Variants in TECPR1 observed in about 807,000 individuals in gnomAD.
TECPR1 encodes tectonin beta-propeller repeat containing 1, also known as tectonin beta-propeller repeat-containing protein 1.
In TECPR1, 122 loss-of-function variants were observed where a neutral mutation model predicts 162.4. That is an observed-to-expected ratio of 0.75 (90% CI 0.65 to 0.87). The LOEUF (loss-of-function observed/expected upper bound fraction) is 0.87, where lower values mean the gene tolerates loss of function less well. Ranked by LOEUF, TECPR1 falls within the 40% of genes least tolerant of loss-of-function variation. TECPR1 has a pLI of 0.00. For synonymous variants in TECPR1, 642 were observed against 670.6 expected (o/e 0.96, Z 0.66); for missense variants, 1,432 against 1,618.2 (o/e 0.88, Z 1.97).
chr7:98,246,108 C>T lies in TECPR1; in HGVS notation c.39G>A (p.Gly13=), dbSNP rs747031639. 19 of 1,554,602 alleles carry T rather than the reference C, an allele frequency of 1.2e-5. No homozygotes were observed. The African/African-American group carries it at 1.9e-4, about 16-fold the overall frequency. The change falls in exon 3 of 26, where the codon GGG becomes GGA. Residue 13 remains glycine, a synonymous_variant. Transcript: ENST00000447648. ...CTGCTGTGGACAGCGTGTACACTCT[C>T]CCGAAGAGGTCCACCGCCCACAGCA... ...NSVLWAVDLF[G]RVYTLSTAGQ... is the part of the protein sequence containing the mutation.
rs1399534034 is a variant in TECPR1 at position 98,251,557 on chromosome 7, T to C, written c.-174-9A>G. 1 of 151,764 alleles carries C rather than the reference T, an allele frequency of 6.6e-6. No homozygotes were observed. The highest frequency in any genetic ancestry group is 1.5e-5 in the Non-Finnish European group (1 of 68,000). The allele number at this position is 151,764 out of a possible 1,614,324, so 9.4% of individuals were successfully genotyped here. ...AAAGCGACATCAGGGTCCTAAAAGG[T>C]GGGAAAAAGCAGCAGAACTTGCATG... On this transcript the variant is annotated splice_polypyrimidine_tract_variant and intron_variant, in intron 1 of 25. Coordinates refer to ENST00000447648, the MANE Select transcript of TECPR1 (RefSeq NM_015395.3).
rs769014777 is a variant in TECPR1 at position 98,222,476 on chromosome 7, T to C, written c.2974A>G (p.Ile992Val). 1 of 1,594,910 alleles carries C rather than the reference T, an allele frequency of 6.3e-7. No homozygotes were observed. Residue 992 changes from isoleucine (I) to valine (V), a missense_variant, in exon 22 of 26, where the codon ATC (isoleucine) becomes GTC (valine). By Grantham distance (29) the Ile-to-Val change is conservative (BLOSUM62 3). Coordinates refer to ENST00000447648, the MANE Select transcript of TECPR1 (RefSeq NM_015395.3). ...ACCTGGTAGCAGGCCCCGATGGAGA[T>C]GGAGGCGAAGGGCTGGTCGGTGCCA... The part of the protein sequence containing the change: ...HVGTDQPFAS[I>V]SIGACYQVWA...
At chr7:98,229,833 G>A (rs866756920) in intron 15 of TECPR1, among the ~76,000 whole-genome samples, 19 of 152,102 alleles carry the variant, frequency 1.2e-4, no homozygotes, top group Non-Finnish European at 2.2e-4. Context: ...CAGTGCCCAC[G>A]GGTAATGAAG....
Position 98,241,009 on chromosome 7 carries a change from G to T in TECPR1, c.833-58C>A. 13 of 1,585,162 alleles carry T rather than the reference G, an allele frequency of 8.2e-6. No homozygotes were observed. The South Asian group carries it at 1.5e-4, about 18-fold the overall frequency. On this transcript the variant is annotated intron_variant, in intron 7 of 25. Coordinates refer to ENST00000447648, the MANE Select transcript of TECPR1 (RefSeq NM_015395.3). This position sits in a 1 kb window ranked among gnomAD's most constrained non-coding sequence, Gnocchi z 5.0. The stretch of plus-strand genomic sequence containing the variant: ...CCATCAGCCTGGACAGCTGGGGAGC[G>T]AGTGACCCTCACCCTTCTCCCCAGT...
intron 19 of TECPR1, among the ~76,000 whole-genome samples, chr7:98,224,417 G>A (rs1216565631): frequency 6.6e-6 from 1 of 152,186 alleles, no homozygotes; most frequent in Middle Eastern, 3.2e-3. Flanking sequence ...GCCCCCCAGA[G>A]CTCACCCTGC....
Position 98,244,606 on chromosome 7 carries a change from A to T in TECPR1, c.496T>A (p.Tyr166Asn). The T allele has an allele frequency of 6.2e-7, 1 of 1,612,984 alleles. No homozygotes were observed. The highest frequency in any genetic ancestry group is 8.5e-7 in the Non-Finnish European group (1 of 1,179,616). Residue 166 changes from tyrosine (Y) to asparagine (N), a missense_variant, in exon 5 of 26, where the codon TAC (tyrosine) becomes AAC (asparagine). Transcript: ENST00000447648. ...SCVRRRKWIR[Y>N]RRYKSRDIWA... ...ATGTCCCGGGACTTGTATCTCCTGTACCGGATCCACTTCCGGCGCCGCACA... is the reference window on the plus strand; with the variant it reads ...ATGTCCCGGGACTTGTATCTCCTGTTCCGGATCCACTTCCGGCGCCGCACA...
In TECPR1 at chr7:98,243,547, C is replaced by CCCT; in HGVS notation, c.576_577insAGG (p.Asn192_Asp193insArg). The CCCT allele has an allele frequency of 6.2e-7, 1 of 1,612,558 alleles. No individual in the cohort carries two copies. The highest frequency in any genetic ancestry group is 8.5e-7 in the Non-Finnish European group (1 of 1,179,786). On this transcript the variant is annotated inframe_insertion, in exon 6 of 26. Coordinates refer to ENST00000447648, the MANE Select transcript of TECPR1 (RefSeq NM_015395.3). ...ATCTCCCAGCCCCCTACAGAGAGGT[C>CCCT]GTTGAAGGGGTCGGGCAGCTCCTTG...
rs79438349 is a variant in TECPR1 at position 98,223,005 on chromosome 7, C to T, written c.2913G>A (p.Ser971=). 6,196 of 1,611,828 alleles carry T rather than the reference C, an allele frequency of 3.8e-3. 124 individuals carry two copies. The African/African-American group carries it at 0.05, about 13-fold the overall frequency. Residue 971 remains serine, a synonymous_variant, in exon 21 of 26, where the codon TCG becomes TCA. Transcript: ENST00000447648. The part of the protein sequence containing the change: ...KGDVLCRLGV[S]ELNPAGSSWL... ...CGGCACTCACCGCAGGGTTGAGCTC[C>T]GACACGCCCAGGCGGCACAGCACAT... is the stretch of plus-strand genomic sequence containing the variant.
chr7:98,243,623 T>C (rs1357345322), intron 5 of TECPR1, 31 bp from the exon 6 acceptor site: 1 of 1,601,698 alleles, frequency 6.2e-7, no homozygotes, highest in South Asian at 1.1e-5. Flanking sequence ...ATGGTAGCAG[T>C]CAGCGCCCAG....
intron 23 of TECPR1, among the ~76,000 whole-genome samples, chr7:98,219,472 T>C (rs577539970): frequency 6.6e-6 from 1 of 152,276 alleles, no homozygotes; most frequent in African/African-American, 2.4e-5. Flanking sequence ...GAGGAAATAT[T>C]TGCAAACTAT....
rs373379547 is a variant in TECPR1 at position 98,233,542 on chromosome 7, G to A, written c.1551C>T (p.Leu517=). The change falls in exon 11 of 26, where the codon CTC becomes CTT. Residue 517 remains leucine, a synonymous_variant. Coordinates refer to ENST00000447648, the MANE Select transcript of TECPR1 (RefSeq NM_015395.3). The stretch of plus-strand genomic sequence containing the variant: ...ACGGCTCCTCCAAGCCCAGTGGGAG[G>A]AGCCCCAGAGAGGAGAGGCTGGTGG... ...PETTSLSSLG[L]LPLGLEEPYG... 6.6e-5 allele frequency: 105 copies of A among 1,590,484 alleles called. No homozygotes were observed. In the African/African-American group the frequency reaches 1.1e-3, roughly 16 times the overall value.
At chr7:98,236,523 G>A (rs948481395) in intron 10 of TECPR1, among the ~76,000 whole-genome samples, 5 of 151,634 alleles carry the variant, frequency 3.3e-5, no homozygotes, top group Non-Finnish European at 5.9e-5. Context: ...CCCAGGTGCC[G>A]CCACCAGCAG....
At position 98,233,710 on chromosome 7, in the gene TECPR1, G is replaced by A; in HGVS notation, c.1383C>T (p.Ala461=). 6.2e-7 allele frequency: 1 copy of A among 1,611,858 alleles called. No individual in the cohort carries two copies. The highest frequency in any genetic ancestry group is 2.2e-5 in the East Asian group (1 of 44,852). Residue 461 remains alanine (A), a synonymous_variant, in exon 11 of 26, where the codon GCC becomes GCT. Transcript: ENST00000447648. The stretch of plus-strand genomic sequence containing the variant: ...CCTCCCTGCTGCCCTCGGCTGGGCA[G>A]GCATCTTCCACGGTATCTTCTGCGG... ...GRTAEDTVED[A]CPAEGSREAR... is the part of the protein sequence containing the mutation.
rs2116611869 is a variant in TECPR1, at chr7:98,241,394, C to T, written c.658-150G>A. 2 of 895,018 alleles carry T rather than the reference C, an allele frequency of 2.2e-6. No individual in the cohort carries two copies. The highest frequency in any genetic ancestry group is 2.7e-5 in the Admixed American group (1 of 37,428). 55.4% of individuals were successfully genotyped at this position (895,018 alleles called of 1,614,324 possible). A position where few individuals can be genotyped will look rare whatever the true frequency, so the allele number is the denominator to read the frequency against. ...CCTACCCCGGCCAAAAAACGCAAAC[C>T]CTGGATTCCGGTGGTCCTGAGGGAT... On this transcript the variant is annotated intron_variant, in intron 6 of 25. Coordinates refer to ENST00000447648, the MANE Select transcript of TECPR1 (RefSeq NM_015395.3). This position sits in a 1 kb window ranked among gnomAD's most constrained non-coding sequence, Gnocchi z 5.0.
Position 98,246,058 on chromosome 7 carries a change from T to A in TECPR1, c.89A>T (p.Asp30Val). ...TAGQYWEMCKDSQLEFKRVSA... is the reference protein window; with the variant it reads ...TAGQYWEMCKVSQLEFKRVSA... ...GACGCGCTTGAACTCCAGCTGGGAGTCCTTGCACATTTCCCAGTACTGGCC... is the reference window on the plus strand; with the variant it reads ...GACGCGCTTGAACTCCAGCTGGGAGACCTTGCACATTTCCCAGTACTGGCC... The change falls in exon 3 of 26, where the codon GAC (aspartate) becomes GTC (valine). Residue 30 changes from aspartate to valine, a missense_variant. Transcript: ENST00000447648. 1 of 1,574,472 alleles carries A rather than the reference T, an allele frequency of 6.4e-7. No homozygotes were observed. Among genetic ancestry groups the A allele is most frequent in the Admixed American group, 1.9e-5 (1 of 53,944 alleles).
chr7:98,218,430 T>C (rs146205297), intron 23 of TECPR1, among the ~76,000 whole-genome samples: 1 of 152,182 alleles, frequency 6.6e-6, no homozygotes, highest in Non-Finnish European at 1.5e-5. Context: ...GAAGTCACGG[T>C]GTGTCTGTTT....
chr7:98,221,546 C>A, intron 23 of TECPR1, 115 bp downstream of exon 23: 2 of 849,926 alleles, frequency 2.4e-6, no homozygotes, highest in Admixed American at 4.3e-5. Flanking sequence ...AGGCTGGTCT[C>A]GAACTCCTGA....
At chr7:98,228,332 C>A (rs544543580) in intron 16 of TECPR1, among the ~76,000 whole-genome samples, 2 of 152,236 alleles carry the variant, frequency 1.3e-5, no homozygotes, top group South Asian at 2.1e-4. Context: ...GATTGTGCAA[C>A]CTCGATGAGC....
At chr7:98,229,690 T>C (rs1798370811) in intron 15 of TECPR1, among the ~76,000 whole-genome samples, 1 of 152,196 alleles carries the variant, frequency 6.6e-6, no homozygotes, top group Admixed American at 6.5e-5. Flanking sequence ...AGGCTGCGGC[T>C]GGTGCAGGTC....
Sources: allele counts gnomAD v4.1 joint callset (sites outside exome capture counted in the v4.1 genomes callset), GRCh38; gene constraint gnomAD v4.1.1; non-coding constraint Gnocchi (gnomAD v3.1); transcripts MANE v1.5; gene names NCBI Gene and HGNC (gene_info 2026-07-23, HGNC 2026-07-21).